Variants in NCKAP5 observed in about 807,000 individuals in gnomAD.
NCKAP5 encodes nck-associated protein 5.
NCKAP5 carries 92 observed loss-of-function variants against 167.0 expected under a neutral mutation model. The ratio of observed to expected loss-of-function variants is 0.55; its 90% CI spans 0.47 to 0.66. The LOEUF is 0.66. Among genes scored for constraint, NCKAP5 ranks in the 30% least tolerant of loss-of-function variants. NCKAP5 has a pLI of 0.00. For missense variants in NCKAP5, 2,378 were observed against 2,315.0 expected (o/e 1.03, Z -0.56); for synonymous variants, 891 against 877.4 (o/e 1.02, Z -0.27).
chr2:132,949,078 C>T, intron 8 of NCKAP5, among the ~76,000 whole-genome samples: 2 of 91,490 alleles, frequency 2.2e-5, no homozygotes, highest in Admixed American at 3.0e-4. Flanking sequence ...GGACAAGACC[C>T]ACCCCCCACC....
intron 6 of NCKAP5, among the ~76,000 whole-genome samples, chr2:133,035,879 T>G (rs2149439182): frequency 6.6e-6 from 1 of 151,846 alleles, no homozygotes. Flanking sequence ...AAAGTATGAA[T>G]GAAACAATAA....
chr2:133,471,546 C>G (rs1333090086), intron 3 of NCKAP5, among the ~76,000 whole-genome samples: 1 of 152,002 alleles, frequency 6.6e-6, no homozygotes, highest in Non-Finnish European at 1.5e-5. Context: ...AGGGGGGAAG[C>G]AAGCAGGCAG....
intron 3 of NCKAP5, among the ~76,000 whole-genome samples, chr2:133,459,161 ATT>A (rs1443029268): frequency 3.9e-5 from 6 of 152,174 alleles, no homozygotes; most frequent in Admixed American, 3.9e-4. Context: ...CTAAGGAAGG[ATT>A]TTCTTAGCAT....
At chr2:133,387,452 G>T (rs150761139) in intron 3 of NCKAP5, among the ~76,000 whole-genome samples, 2 of 152,168 alleles carry the variant, frequency 1.3e-5, no homozygotes, top group Admixed American at 1.3e-4. Flanking sequence ...TGGGTAACCC[G>T]ACCTTTCTGT....
chr2:133,137,427 T>C (rs952617491), intron 5 of NCKAP5, among the ~76,000 whole-genome samples: 3 of 151,102 alleles, frequency 2.0e-5, no homozygotes, highest in Non-Finnish European at 4.4e-5. Context: ...TGTGTGTGTG[T>C]GTGTGTGTGT....
chr2:132,982,729 G>A (rs2077177915), intron 7 of NCKAP5, among the ~76,000 whole-genome samples: 1 of 152,094 alleles, frequency 6.6e-6, no homozygotes, highest in Admixed American at 6.5e-5. Context: ...ATTAGCCATT[G>A]TTTAGCTCCT....
chr2:132,832,493 C>T (rs561703797), intron 11 of NCKAP5, among the ~76,000 whole-genome samples: 13 of 152,032 alleles, frequency 8.6e-5, no homozygotes, highest in Admixed American at 5.9e-4. Context: ...ACCTTGTACC[C>T]ATTAATTAAT....
chr2:133,478,544 G>A (rs373198190), intron 3 of NCKAP5, among the ~76,000 whole-genome samples: 39 of 152,226 alleles, frequency 2.6e-4, no homozygotes, highest in African/African-American at 9.1e-4. Flanking sequence ...AGGGCTGTGG[G>A]TAAAGATCGA....
At chr2:133,048,698 A>C (rs2079495387) in intron 6 of NCKAP5, among the ~76,000 whole-genome samples, 1 of 152,208 alleles carries the variant, frequency 6.6e-6, no homozygotes, top group Non-Finnish European at 1.5e-5. Flanking sequence ...CTGTTATTGA[A>C]ATTTTAGCAC....
chr2:133,525,122 C>T (rs1297050990), intron 2 of NCKAP5, among the ~76,000 whole-genome samples: 1 of 152,088 alleles, frequency 6.6e-6, no homozygotes, highest in Non-Finnish European at 1.5e-5. Context: ...ATCCTACCAG[C>T]CCCCTGAAAC....
chr2:132,962,572 C>A (rs2076546477), intron 8 of NCKAP5, among the ~76,000 whole-genome samples: 1 of 151,924 alleles, frequency 6.6e-6, no homozygotes, highest in Admixed American at 6.6e-5. Flanking sequence ...GAAAACAAGG[C>A]CCCTCCAGGT....
chr2:132,902,373 TA>T (rs1693691883), intron 8 of NCKAP5, among the ~76,000 whole-genome samples: 1 of 152,192 alleles, frequency 6.6e-6, no homozygotes, highest in Non-Finnish European at 1.5e-5. Flanking sequence ...GTATCACTGA[TA>T]AAGGTCAAGG....
At chr2:133,454,705 A>G (rs1265589884) in intron 3 of NCKAP5, among the ~76,000 whole-genome samples, 1 of 152,094 alleles carries the variant, frequency 6.6e-6, no homozygotes, top group African/African-American at 2.4e-5. Flanking sequence ...ATGGTTCAAC[A>G]TTTCAAGGCT....
At chr2:133,526,663 C>T (rs1684951417) in intron 2 of NCKAP5, among the ~76,000 whole-genome samples, 1 of 152,028 alleles carries the variant, frequency 6.6e-6, no homozygotes. Context: ...CCATCTGTTC[C>T]TTCTCTCCCA....
chr2:132,927,008 A>G (rs1695953170), intron 8 of NCKAP5, among the ~76,000 whole-genome samples: 1 of 152,204 alleles, frequency 6.6e-6, no homozygotes, highest in Admixed American at 6.5e-5. Flanking sequence ...AGTTTCAGAT[A>G]TTACATTTAA....
chr2:132,795,646 C>G (rs1684518548), intron 12 of NCKAP5, among the ~76,000 whole-genome samples: 2 of 151,852 alleles, frequency 1.3e-5, no homozygotes, highest in South Asian at 4.2e-4. Context: ...TGGTGAAACC[C>G]CTTTTGTAAT....
At position 133,351,227 on chromosome 2, in the gene NCKAP5, G is replaced by GA. The variant is rs367559407; in HGVS notation, c.70-48118dup. On this transcript the variant is annotated intron_variant, in intron 3 of 19. Transcript: ENST00000409261. ...ATTGGTTAATAGCTTCAGGAAAAAG[G>GA]AAAAAAAAAATAAAAACCACTCACA... Among the ~76,000 whole-genome samples the GA allele has an allele frequency of 8.7e-3, 1,276 of 147,230 alleles. 20 individuals are homozygous for GA. Among genetic ancestry groups the GA allele is most frequent in the African/African-American group, 0.03 (1,209 of 40,256 alleles).
chr2:133,599,900 T>A, the NCKAP5 span, among the ~76,000 whole-genome samples: 1 of 152,250 alleles, frequency 6.6e-6, no homozygotes, highest in South Asian at 2.1e-4. Context: ...AATCTGTTTA[T>A]CAATGCCTAG....
chr2:133,605,023 C>T, the NCKAP5 span, among the ~76,000 whole-genome samples: 2 of 152,128 alleles, frequency 1.3e-5, no homozygotes, highest in African/African-American at 4.8e-5. Context: ...TTTTCTTTCT[C>T]AAGATTGAAA....
Sources: allele counts gnomAD v4.1 joint callset (sites outside exome capture counted in the v4.1 genomes callset), GRCh38; gene constraint gnomAD v4.1.1; transcripts MANE v1.5; gene names NCBI Gene and HGNC (gene_info 2026-07-23, HGNC 2026-07-21).